SMAGP: variants seen among roughly 807,000 people sequenced by gnomAD.
SMAGP encodes the protein small cell transmembrane and glycosylated protein.
SMAGP carries 7 observed loss-of-function variants against 10.1 expected under a neutral mutation model. The ratio of observed to expected loss-of-function variants is 0.70; its 90% CI spans 0.40 to 1.31. The LOEUF is 1.31. Ranked by LOEUF, SMAGP falls within the 50% of genes most tolerant of loss-of-function variation. SMAGP has a pLI of 0.01. For synonymous variants in SMAGP, 49 were observed against 47.2 expected (o/e 1.04, Z -0.16); for missense variants, 113 against 116.5 (o/e 0.97, Z 0.14).
chr12:51,246,710 T>A, intron 3 of SMAGP, 41 bp downstream of exon 3: 2 of 1,459,156 alleles, frequency 1.4e-6, no homozygotes, highest in South Asian at 1.4e-5. Flanking sequence ...GAGATGCCCT[T>A]GATCCAGAAG....
At chr12:51,249,451 T>C (rs1008200972) in intron 2 of SMAGP, among the ~76,000 whole-genome samples, 1 of 152,046 alleles carries the variant, frequency 6.6e-6, no homozygotes, top group Non-Finnish European at 1.5e-5. Flanking sequence ...TCTAGGTAGA[T>C]AGTGTCAGAA....
intron 3 of SMAGP, chr12:51,246,379 GA>G: frequency 2.0e-6 from 1 of 489,496 alleles, no homozygotes; most frequent in South Asian, 3.9e-5. Context: ...ACCAGTTCCT[GA>G]TTCTTAAAGA....
Position 51,246,094 on chromosome 12 carries a change from G to A in SMAGP, c.141C>T (p.Thr47=), listed in dbSNP as rs182062015. Residue 47 remains threonine (T), a synonymous_variant, in exon 4 of 4, where the codon ACC becomes ACT. Coordinates refer to ENST00000603798, the MANE Select transcript of SMAGP (RefSeq NM_001031628.2). Reference sequence around the variant, plus strand: ...AGATCAAGATCACGACCGAGAGCAGGGTGAGGAAGACAACGGTGATAACAA... The same window carrying A: ...AGATCAAGATCACGACCGAGAGCAGAGTGAGGAAGACAACGGTGATAACAA... ...IAVVITVVFL[T]LLSVVILIFF... The A allele has an allele frequency of 2.9e-5, 47 of 1,613,902 alleles. No individual in the cohort carries two copies. In the East Asian group the frequency reaches 7.1e-4, roughly 24 times the overall value.
At chr12:51,253,777 G>T (rs973369512) in intron 2 of SMAGP, among the ~76,000 whole-genome samples, 11 of 152,080 alleles carry the variant, frequency 7.2e-5, no homozygotes, top group Non-Finnish European at 1.5e-4. Context: ...GTGGTGGCAG[G>T]TGCCTGTAAT....
At chr12:51,270,050 C>A (rs556735731) in intron 1 of SMAGP, 2 of 151,638 alleles carry the variant, frequency 1.3e-5, no homozygotes, top group Non-Finnish European at 2.9e-5. Flanking sequence ...CCCGAGCCCC[C>A]CGCGTTACCA....
At chr12:51,267,695 A>G (rs1944988583) in intron 2 of SMAGP, among the ~76,000 whole-genome samples, 1 of 152,100 alleles carries the variant, frequency 6.6e-6, no homozygotes, top group South Asian at 2.1e-4. Flanking sequence ...GGGTTTCGCC[A>G]TGTTGCCCAG....
intron 2 of SMAGP, among the ~76,000 whole-genome samples, chr12:51,248,117 C>CA (rs75234923): frequency 0.18 from 28,067 of 152,092 alleles, 3,078 homozygotes; most frequent in East Asian, 0.41. Flanking sequence ...CAGTGCCTGA[C>CA]ACGTTCAGGT....
Position 51,244,782 on chromosome 12 carries a change from C to G in SMAGP, c.*1159G>C, listed in dbSNP as rs1460664891. The G allele has an allele frequency of 6.6e-6, 1 of 151,150 alleles. No homozygotes were observed. The highest frequency in any genetic ancestry group is 1.9e-4 in the East Asian group (1 of 5,180). The allele number at this position is 151,150 out of a possible 1,614,324, so 9.4% of individuals were successfully genotyped here. A position where few individuals can be genotyped will look rare whatever the true frequency, so the allele number is the denominator to read the frequency against. On this transcript the variant is annotated 3_prime_UTR_variant, in exon 4 of 4. Transcript: ENST00000603798. Reference sequence around the variant, plus strand: ...GGATTCTGGGAAATTCTGGCCCTTGCCAGGATGGAGGCTTGAACCAACTCA... The same window carrying G: ...GGATTCTGGGAAATTCTGGCCCTTGGCAGGATGGAGGCTTGAACCAACTCA...
intron 2 of SMAGP, among the ~76,000 whole-genome samples, chr12:51,265,964 CCCAGCTACT>C (rs1944970496): frequency 6.6e-6 from 1 of 152,120 alleles, no homozygotes; most frequent in East Asian, 1.9e-4. Context: ...CGCCTGTAGT[CCCAGCTACT>C]CGGGAAGCTA....
chr12:51,267,472 C>G (rs539375001), intron 2 of SMAGP, among the ~76,000 whole-genome samples: 5 of 147,104 alleles, frequency 3.4e-5, no homozygotes, highest in East Asian at 2.0e-4. Context: ...CTATTCCCCC[C>G]CCCCACTCCG....
intron 2 of SMAGP, among the ~76,000 whole-genome samples, chr12:51,257,595 A>G (rs963297671): frequency 6.6e-6 from 1 of 151,304 alleles, no homozygotes; most frequent in Admixed American, 6.6e-5. Flanking sequence ...CCCAGGCTGG[A>G]GTGCAGTGGT....
In SMAGP at chr12:51,265,986, A is replaced by G. The variant is rs565134402; in HGVS notation, c.34+3259T>C. Among the ~76,000 whole-genome samples, 686 of 152,122 alleles carry G rather than the reference A, an allele frequency of 4.5e-3. 7 individuals carry two copies. The highest frequency in any genetic ancestry group is 0.015 in the African/African-American group (634 of 41,498). On this transcript the variant is annotated intron_variant, in intron 2 of 3. Transcript: ENST00000603798. ...AGTCCCAGCTACTCGGGAAGCTAAG[A>G]CAGGAGAATGGCGTGAACCCATGAG...
At chr12:51,253,356 T>C (rs1046229878) in intron 2 of SMAGP, among the ~76,000 whole-genome samples, 1 of 152,176 alleles carries the variant, frequency 6.6e-6, no homozygotes, top group Non-Finnish European at 1.5e-5. Flanking sequence ...TTAAAGTTCC[T>C]GCCAGGATTA....
rs549622249 is a variant in SMAGP at position 51,268,922 on chromosome 12, A to G, written c.34+323T>C. ...TTTGAATTAGCAATGGGGTCTCACT[A>G]TGTTCCCCAGGCAGGTCTCAAACAC... On this transcript the variant is annotated intron_variant, in intron 2 of 3. Transcript: ENST00000603798. 7.2e-4 allele frequency among the ~76,000 whole-genome samples: 109 copies of G among 152,072 alleles called. 1 individual carries two copies. The highest frequency in any genetic ancestry group is 1.3e-3 in the Non-Finnish European group (85 of 67,982).
At chr12:51,252,538 T>C (rs945974064) in intron 2 of SMAGP, among the ~76,000 whole-genome samples, 1 of 151,906 alleles carries the variant, frequency 6.6e-6, no homozygotes, top group South Asian at 2.1e-4. Context: ...ATTACAGGCA[T>C]GTGCCACCAC....
chr12:51,265,616 A>T (rs1347066565), intron 2 of SMAGP, among the ~76,000 whole-genome samples: 1 of 152,228 alleles, frequency 6.6e-6, no homozygotes, highest in East Asian at 1.9e-4. Context: ...CAGACACAAA[A>T]GGTCTATTGT....
intron 1 of SMAGP, 142 bp from the exon 2 acceptor site, chr12:51,269,458 A>G (rs888252280): frequency 3.2e-6 from 2 of 632,340 alleles, no homozygotes; most frequent in Admixed American, 2.6e-5. Context: ...GTTTCCCTGA[A>G]TATCTCCTCA....
At chr12:51,251,863 C>T (rs73307777) in intron 2 of SMAGP, among the ~76,000 whole-genome samples, 29 of 152,260 alleles carry the variant, frequency 1.9e-4, no homozygotes, top group African/African-American at 6.7e-4. Flanking sequence ...CCCTCTTTAG[C>T]TTTAATGTTT....
chr12:51,260,880 G>A (rs1339447048), intron 2 of SMAGP, among the ~76,000 whole-genome samples: 1 of 150,248 alleles, frequency 6.7e-6, no homozygotes, highest in Non-Finnish European at 1.5e-5. Flanking sequence ...TAGAGACGGG[G>A]TTTCACCATG....
Sources: gnomAD v4.1 joint callset for allele counts (sites outside exome capture counted in the v4.1 genomes callset) on GRCh38, gnomAD v4.1.1 for gene constraint, MANE v1.5 for transcripts, NCBI Gene and HGNC (gene_info 2026-07-23, HGNC 2026-07-21) for gene names.